ADAP1: variants seen among roughly 807,000 people sequenced by gnomAD.
ADAP1 encodes the protein ArfGAP with dual PH domains 1.
ADAP1 carries 31 observed loss-of-function variants against 54.9 expected under a neutral mutation model. That is an observed-to-expected ratio of 0.56 (90% CI 0.42 to 0.76). The LOEUF (loss-of-function observed/expected upper bound fraction) is 0.76, where lower values mean the gene tolerates loss of function less well. ADAP1 is among the 30% of genes least tolerant of loss of function. The pLI is 0.00. For missense variants in ADAP1, 535 were observed against 512.4 expected (o/e 1.04, Z -0.42); for synonymous variants, 313 against 202.6 (o/e 1.55, Z -4.63).
chr7:948,044 C>G (rs1847186894), intron 1 of ADAP1, among the ~76,000 whole-genome samples: 1 of 151,954 alleles, frequency 6.6e-6, no homozygotes, highest in Non-Finnish European at 1.5e-5. Context: ...CACTGAGGAC[C>G]CAGCACTGCC....
At position 938,893 on chromosome 7, in the gene ADAP1, C is replaced by T. The variant is rs567878590; in HGVS notation, c.83-3388G>A. Among the ~76,000 whole-genome samples, 19 of 152,298 alleles carry T rather than the reference C, an allele frequency of 1.2e-4. No homozygotes were observed. The highest frequency in any genetic ancestry group is 7.7e-4 in the East Asian group (4 of 5,182). On this transcript the variant is annotated intron_variant, in intron 1 of 10. Coordinates refer to ENST00000265846, the MANE Select transcript of ADAP1 (RefSeq NM_006869.4). The surrounding 1 kb of genome is among the most constrained non-coding windows in gnomAD (Gnocchi z 4.4). ...AGAAATTCTGAGGGAGGCTGAGCAACGGCCACCAACAGCTCCCGCCCAGCC... is the reference window on the plus strand; with the variant it reads ...AGAAATTCTGAGGGAGGCTGAGCAATGGCCACCAACAGCTCCCGCCCAGCC...
At chr7:900,730 C>G in intron 6 of ADAP1, 114 bp from the exon 7 acceptor site, 1 of 908,712 alleles carries the variant, frequency 1.1e-6, no homozygotes, top group Non-Finnish European at 1.7e-6. Context: ...CAGCCCCTTC[C>G]TCCTCCCCGG....
In ADAP1 at chr7:904,220, T is replaced by A. The variant is rs775231609; in HGVS notation, c.554A>T (p.Gln185Leu). ...GTGGGGGTGGCCGATCTTGGCCGGC[T>A]GGAAGGTGGCGTTCAGGTGCTCGAT... ...MKIEHLNATF[Q>L]PAKIGHPHGL... The change falls in exon 6 of 11, where the codon CAG becomes CTG. Residue 185 changes from glutamine (Q) to leucine (L), a missense_variant. Gln to Leu is a moderately radical substitution (Grantham distance 113). Coordinates refer to ENST00000265846, the MANE Select transcript of ADAP1 (RefSeq NM_006869.4). The A allele has an allele frequency of 1.9e-6, 3 of 1,610,868 alleles. No individual in the cohort carries two copies. The highest frequency in any genetic ancestry group is 8.5e-7 in the Non-Finnish European group (1 of 1,178,906).
In ADAP1 at chr7:909,709, C is replaced by G. The variant is rs183985971; in HGVS notation, c.389-4537G>C. Among the ~76,000 whole-genome samples, 10 of 152,360 alleles carry G rather than the reference C, an allele frequency of 6.6e-5. 1 individual carries two copies. Among genetic ancestry groups the G allele is most frequent in the Admixed American group, 2.0e-4 (3 of 15,308 alleles). ...CTCACACGGCAGCGTCCTGGACAGC[C>G]GGGTGGGCTGTGGCCAGAAATGGCC... On this transcript the variant is annotated intron_variant, in intron 4 of 10. Coordinates refer to ENST00000265846, the MANE Select transcript of ADAP1 (RefSeq NM_006869.4).
At chr7:955,146 C>T (rs1007181256), upstream of ADAP1, 37 of 667,416 alleles carry the variant, frequency 5.5e-5, no homozygotes, top group Non-Finnish European at 9.7e-5. Flanking sequence ...AGGGCCCAGA[C>T]GGAGCCTCCC....
intron 2 of ADAP1, among the ~76,000 whole-genome samples, chr7:931,251 C>T (rs1421479807): frequency 6.6e-6 from 1 of 152,172 alleles, no homozygotes; most frequent in African/African-American, 2.4e-5. Context: ...AGACAGCTCC[C>T]TTCTGTGACT....
In ADAP1 at chr7:946,503, C is replaced by T. The variant is rs114048238; in HGVS notation, c.82+7893G>A. ...CTCCTGGATCCCTCCCAGCAGCACC[C>T]GGACACAGTCCATTTTCAGAATCCC... On this transcript the variant is annotated intron_variant, in intron 1 of 10. Coordinates refer to ENST00000265846, the MANE Select transcript of ADAP1 (RefSeq NM_006869.4). The surrounding 1 kb of genome is among the most constrained non-coding windows in gnomAD (Gnocchi z 4.3). Among the ~76,000 whole-genome samples the T allele has an allele frequency of 0.023, 3,447 of 152,270 alleles. 48 individuals are homozygous for T. The highest frequency in any genetic ancestry group is 0.025 in the Non-Finnish European group (1,723 of 67,992).
chr7:945,173 G>A lies in ADAP1; in HGVS notation c.82+9223C>T, dbSNP rs988548877. ...GGGCTGACCCTTCTGTTTTCCAAGT[G>A]ACTGAGGCTGGGCTGGGCAGGCCTC... On this transcript the variant is annotated intron_variant, in intron 1 of 10. Coordinates refer to ENST00000265846, the MANE Select transcript of ADAP1 (RefSeq NM_006869.4). This position sits in a 1 kb window ranked among gnomAD's most constrained non-coding sequence, Gnocchi z 4.2. 1.3e-5 allele frequency among the ~76,000 whole-genome samples: 2 copies of A among 152,220 alleles called. No homozygotes were observed. The highest frequency in any genetic ancestry group is 2.9e-5 in the Non-Finnish European group (2 of 68,040).
At chr7:954,001 G>A (rs1049726755) in intron 1 of ADAP1, among the ~76,000 whole-genome samples, 4 of 152,224 alleles carry the variant, frequency 2.6e-5, no homozygotes, top group Admixed American at 2.0e-4. Context: ...CCACAGCCCA[G>A]CAGAGACCTC....
intron 4 of ADAP1, among the ~76,000 whole-genome samples, chr7:906,779 G>T (rs1454904388): frequency 0.36 from 14,639 of 41,216 alleles, 2,171 homozygotes; most frequent in South Asian, 0.43. Context: ...GGGGGACAGG[G>T]GACACGGGGG....
At chr7:910,342 C>T (rs1353512552) in intron 4 of ADAP1, among the ~76,000 whole-genome samples, 5 of 152,052 alleles carry the variant, frequency 3.3e-5, no homozygotes, top group African/African-American at 4.8e-5. Flanking sequence ...CTTGACCTTC[C>T]GGGCTCAAGT....
At chr7:905,243 C>G in intron 4 of ADAP1, 71 bp from the exon 5 acceptor site, 2 of 1,142,448 alleles carry the variant, frequency 1.8e-6, no homozygotes, top group South Asian at 2.5e-5. Flanking sequence ...TGACGATGGA[C>G]AGGACAGAGG....
chr7:927,120 CCAGATGTGGCTA>C (rs1186787391), intron 2 of ADAP1: 43 of 1,303,786 alleles, frequency 3.3e-5, no homozygotes, highest in Non-Finnish European at 4.1e-5. Context: ...AGCGAGAGAC[CCAGATGTGGCTA>C]GGACAGAGTC....
At chr7:927,356 C>T in intron 2 of ADAP1, 1 of 778,974 alleles carries the variant, frequency 1.3e-6, no homozygotes, top group East Asian at 6.7e-5. Flanking sequence ...CTGCCGCCAG[C>T]CAGGTATGGT....
Position 946,944 on chromosome 7 carries a change from C to T in ADAP1, c.82+7452G>A, listed in dbSNP as rs914930355. ...CCCAGGAGTTCGAGACCAGCCTGGG[C>T]AACATAGTGAGACACCGCGACTCCA... On this transcript the variant is annotated intron_variant, in intron 1 of 10. Coordinates refer to ENST00000265846, the MANE Select transcript of ADAP1 (RefSeq NM_006869.4). The surrounding 1 kb of genome is among the most constrained non-coding windows in gnomAD (Gnocchi z 4.3). 3.3e-5 allele frequency among the ~76,000 whole-genome samples: 5 copies of T among 152,182 alleles called. No homozygotes were observed. Among genetic ancestry groups the T allele is most frequent in the Non-Finnish European group, 7.3e-5 (5 of 68,028 alleles).
rs1301804644 is a variant in ADAP1, at chr7:900,775, GC to G, written c.649-160del. ...TCCCAGCAGTCCTGCCGCAGGCCTG[GC>G]CCCTGTGCCCACGCTGAGGCCGGGG... On this transcript the variant is annotated intron_variant, in intron 6 of 10. Coordinates refer to ENST00000265846, the MANE Select transcript of ADAP1 (RefSeq NM_006869.4). 221 of 679,716 alleles carry G rather than the reference GC, an allele frequency of 3.3e-4. 2 individuals carry two copies. The highest frequency in any genetic ancestry group is 2.0e-3 in the South Asian group (114 of 56,282). The allele number at this position is 679,716 out of a possible 1,614,324, so 42.1% of individuals were successfully genotyped here. A position where few individuals can be genotyped will look rare whatever the true frequency, so the allele number is the denominator to read the frequency against.
Position 920,067 on chromosome 7 carries a change from G to A in ADAP1, c.306-17C>T, listed in dbSNP as rs754031797. ...CGAAGGAGCCTGTGGGGAGAGGAGA[G>A]ACTGAGCCACTGGGCCAAGGCGGCC... is the stretch of plus-strand genomic sequence containing the variant. On this transcript the variant is annotated splice_polypyrimidine_tract_variant and intron_variant, in intron 3 of 10. Transcript: ENST00000265846. The surrounding 1 kb of genome is among the most constrained non-coding windows in gnomAD (Gnocchi z 4.5). 4 of 1,602,890 alleles carry A rather than the reference G, an allele frequency of 2.5e-6. No individual in the cohort carries two copies. The highest frequency in any genetic ancestry group is 1.1e-5 in the South Asian group (1 of 90,848).
Position 898,533 on chromosome 7 carries a change from A to C in ADAP1, c.*388T>G, listed in dbSNP as rs909488121. On this transcript the variant is annotated 3_prime_UTR_variant, in exon 11 of 11. Coordinates refer to ENST00000265846, the MANE Select transcript of ADAP1 (RefSeq NM_006869.4). ...AGTCCCCAGCGGCCGGCAGCTGCCC[A>C]CCGTGCTGGCCCCAAGCAGGGCTCT... 3.4e-6 allele frequency: 1 copy of C among 297,770 alleles called. No homozygotes were observed. Among genetic ancestry groups the C allele is most frequent in the Non-Finnish European group, 6.5e-6 (1 of 153,222 alleles). 18.4% of individuals were successfully genotyped at this position (297,770 alleles called of 1,614,324 possible).
At chr7:953,298 C>T (rs1847312071) in intron 1 of ADAP1, among the ~76,000 whole-genome samples, 2 of 152,242 alleles carry the variant, frequency 1.3e-5, no homozygotes, top group Admixed American at 1.3e-4. Flanking sequence ...TATCTCCCCT[C>T]TGGGACACCC....
Sources: gnomAD v4.1 joint callset for allele counts (sites outside exome capture counted in the v4.1 genomes callset) on GRCh38, gnomAD v4.1.1 for gene constraint, Gnocchi (gnomAD v3.1) non-coding constraint, MANE v1.5 for transcripts, NCBI Gene and HGNC (gene_info 2026-07-23, HGNC 2026-07-21) for gene names.